Variants in CFAP54 observed in about 807,000 individuals in gnomAD.
CFAP54 encodes cilia- and flagella-associated protein 54.
Under a neutral mutation model 370.4 loss-of-function variants are expected in CFAP54, and 290 were observed. That is an observed-to-expected ratio of 0.78 (90% CI 0.71 to 0.86). CFAP54 has a LOEUF of 0.86. Among genes scored for constraint, CFAP54 ranks in the 40% least tolerant of loss-of-function variants. The pLI is 0.00. For missense variants in CFAP54, 3,399 were observed against 3,528.7 expected (o/e 0.96, Z 0.93); for synonymous variants, 1,206 against 1,236.5 (o/e 0.98, Z 0.52).
chr12:96,730,474 A>C (rs933968348), intron 50 of CFAP54, among the ~76,000 whole-genome samples: 4 of 152,250 alleles, frequency 2.6e-5, no homozygotes, highest in African/African-American at 7.2e-5. Flanking sequence ...ATAGAAGAGA[A>C]TCTACAAAGA....
At chr12:96,588,897 TA>T (rs1319953854) in intron 22 of CFAP54, among the ~76,000 whole-genome samples, 2 of 152,244 alleles carry the variant, frequency 1.3e-5, no homozygotes, top group Non-Finnish European at 2.9e-5. Context: ...TTAAAACATA[TA>T]ATGTCTTCTT....
Position 96,513,026 on chromosome 12 carries a change from C to A in CFAP54, c.780C>A (p.Val260=). ...ACACCATTTGCAGAAAACTGATGGT[C>A]ATAGGTCAGTCTTCCAAGGTATGAA... is the stretch of plus-strand genomic sequence containing the variant. ...YIYTICRKLM[V]IGQSSKALEY... Residue 260 remains valine, a synonymous_variant, in exon 5 of 68, where the codon GTC becomes GTA. Transcript: ENST00000524981. 1 of 1,516,884 alleles carries A rather than the reference C, an allele frequency of 6.6e-7. No homozygotes were observed. Among genetic ancestry groups the A allele is most frequent in the South Asian group, 1.2e-5 (1 of 80,166 alleles). The allele number at this position is 1,516,884 out of a possible 1,614,324, so 94.0% of individuals were successfully genotyped here. A position where few individuals can be genotyped will look rare whatever the true frequency, so the allele number is the denominator to read the frequency against.
At chr12:96,610,048 T>C (rs1956338972) in intron 26 of CFAP54, among the ~76,000 whole-genome samples, 1 of 152,252 alleles carries the variant, frequency 6.6e-6, no homozygotes, top group African/African-American at 2.4e-5. Flanking sequence ...TCTCAATAGA[T>C]ATTAAAGTTT....
chr12:96,561,595 T>A (rs1189228543), intron 17 of CFAP54, among the ~76,000 whole-genome samples: 1 of 151,878 alleles, frequency 6.6e-6, no homozygotes, highest in African/African-American at 2.4e-5. Flanking sequence ...CCAATGATAT[T>A]TGGTACCTTT....
intron 58 of CFAP54, among the ~76,000 whole-genome samples, chr12:96,758,611 A>C (rs947737995): frequency 5.3e-5 from 8 of 152,148 alleles, no homozygotes; most frequent in Non-Finnish European, 4.4e-5. Flanking sequence ...TAGGTAGTGA[A>C]ATTTGGAGCT....
At chr12:96,547,605 T>C (rs1955654315) in intron 14 of CFAP54, among the ~76,000 whole-genome samples, 1 of 152,224 alleles carries the variant, frequency 6.6e-6, no homozygotes, top group African/African-American at 2.4e-5. Flanking sequence ...AGAAAATATT[T>C]AATTAGATGG....
Position 96,592,470 on chromosome 12 carries a change from C to T in CFAP54, c.3213-20C>T, listed in dbSNP as rs933070124. On this transcript the variant is annotated intron_variant, in intron 23 of 67. Transcript: ENST00000524981. ...CTAAATCAATTTATATTTATACCTGCCATTTACTTCATATTGCAGATTACA... is the reference window on the plus strand; with the variant it reads ...CTAAATCAATTTATATTTATACCTGTCATTTACTTCATATTGCAGATTACA... The T allele has an allele frequency of 3.1e-5, 15 of 483,104 alleles. No homozygotes were observed. In the Admixed American group the frequency reaches 3.6e-4, roughly 12 times the overall value. The allele number at this position is 483,104 out of a possible 1,614,324, so 29.9% of individuals were successfully genotyped here. A position where few individuals can be genotyped will look rare whatever the true frequency, so the allele number is the denominator to read the frequency against.
intron 4 of CFAP54, among the ~76,000 whole-genome samples, chr12:96,509,218 G>C (rs760122218): frequency 6.6e-6 from 1 of 152,158 alleles, no homozygotes; most frequent in Non-Finnish European, 1.5e-5. Flanking sequence ...GAGAGAGGAG[G>C]GGCTGGGCTG....
Position 96,513,037 on chromosome 12 carries a change from C to T in CFAP54, c.791C>T (p.Ser264Phe). 3 of 1,510,416 alleles carry T rather than the reference C, an allele frequency of 2.0e-6. No individual in the cohort carries two copies. The highest frequency in any genetic ancestry group is 8.8e-7 in the Non-Finnish European group (1 of 1,132,664). 93.6% of individuals were successfully genotyped at this position (1,510,416 alleles called of 1,614,324 possible). Residue 264 changes from serine (S) to phenylalanine (F), a missense_variant, in exon 5 of 68, where the codon TCT becomes TTT. Coordinates refer to ENST00000524981, the MANE Select transcript of CFAP54 (RefSeq NM_001306084.2). ...AGAAAACTGATGGTCATAGGTCAGT[C>T]TTCCAAGGTATGAAATGTACTGACA... Reference protein sequence around the residue: ...ICRKLMVIGQSSKALEYLLWA... With the variant: ...ICRKLMVIGQFSKALEYLLWA...
At chr12:96,764,348 T>C (rs10860094) in intron 59 of CFAP54, 99 bp downstream of exon 59, 286,844 of 847,802 alleles carry the variant, frequency 0.34, 50,494 homozygotes, top group East Asian at 0.6. Context: ...AGGAGTTGGG[T>C]GTGATACCTC....
At chr12:96,770,542 C>T (rs2136677826) in intron 60 of CFAP54, among the ~76,000 whole-genome samples, 1 of 152,294 alleles carries the variant, frequency 6.6e-6, no homozygotes, top group South Asian at 2.1e-4. Flanking sequence ...GTCCTGGAGA[C>T]TGAGAGGAAG....
intron 54 of CFAP54, 42 bp from the exon 55 acceptor site, chr12:96,743,978 A>G: frequency 6.2e-6 from 10 of 1,602,466 alleles, no homozygotes; most frequent in Non-Finnish European, 7.7e-6. Flanking sequence ...ATTCCAAACC[A>G]CGTCAACTAA....
At chr12:96,689,078 C>A in intron 43 of CFAP54, 96 bp downstream of exon 43, 1 of 643,876 alleles carries the variant, frequency 1.6e-6, no homozygotes, top group Non-Finnish European at 2.6e-6. Context: ...TCACAGGTAG[C>A]AAAATAACAT....
In CFAP54 at chr12:96,489,808, G is replaced by T. The variant is rs1241160345; in HGVS notation, c.199G>T (p.Ala67Ser). The T allele has an allele frequency of 2.6e-6, 4 of 1,536,036 alleles. No individual in the cohort carries two copies. The highest frequency in any genetic ancestry group is 2.7e-5 in the African/African-American group (2 of 73,050). Residue 67 changes from alanine (A) to serine (S), a missense_variant, in exon 1 of 68, where the codon GCG (alanine) becomes TCG (serine). Physicochemically the swap from Ala to Ser is moderately conservative, Grantham distance 99. This residue lies in a region of CFAP54 where 559 missense variants were observed against 576.7 expected (regional missense o/e 0.97). Transcript: ENST00000524981. ...PLAVFYGPLDAKNPLLASCEK... is the reference protein window; with the variant it reads ...PLAVFYGPLDSKNPLLASCEK... ...AGCCGTGTTTTATGGGCCGCTGGAC[G>T]CGAAAAACCCGCTCCTGGCCTCTTG... is the stretch of plus-strand genomic sequence containing the variant.
Position 96,728,350 on chromosome 12 carries a change from A to G in CFAP54, c.6965+7785A>G, listed in dbSNP as rs956966341. Reference sequence around the variant, plus strand: ...AGATTTGGTGTTTTCACATAGTCCCATATTTCTTGGAGGCTTTGTTTGTTT... The same window carrying G: ...AGATTTGGTGTTTTCACATAGTCCCGTATTTCTTGGAGGCTTTGTTTGTTT... On this transcript the variant is annotated intron_variant, in intron 50 of 67. Coordinates refer to ENST00000524981, the MANE Select transcript of CFAP54 (RefSeq NM_001306084.2). Among the ~76,000 whole-genome samples the G allele has an allele frequency of 6.6e-5, 10 of 152,150 alleles. No individual in the cohort carries two copies. The East Asian group carries it at 1.9e-3, about 29-fold the overall frequency.
At chr12:96,745,293 A>T (rs1958101482) in intron 55 of CFAP54, among the ~76,000 whole-genome samples, 1 of 151,930 alleles carries the variant, frequency 6.6e-6, no homozygotes. Flanking sequence ...ACTAATTTAC[A>T]CTCCCACCAA....
chr12:96,491,850 C>T (rs1254602844), intron 1 of CFAP54, among the ~76,000 whole-genome samples: 1 of 152,194 alleles, frequency 6.6e-6, no homozygotes, highest in Non-Finnish European at 1.5e-5. Flanking sequence ...ACCTCTGCCT[C>T]CCAGGTTTAA....
intron 60 of CFAP54, among the ~76,000 whole-genome samples, chr12:96,779,658 A>T (rs1958562301): frequency 6.7e-6 from 1 of 148,326 alleles, no homozygotes; most frequent in East Asian, 1.9e-4. Flanking sequence ...ATATTAATTT[A>T]TATATTAACA....
At chr12:96,656,496 C>T (rs1956924886) in intron 36 of CFAP54, among the ~76,000 whole-genome samples, 1 of 152,236 alleles carries the variant, frequency 6.6e-6, no homozygotes, top group Non-Finnish European at 1.5e-5. Flanking sequence ...ATTCTCCTGC[C>T]TCAGCCTCCT....
Sources: gnomAD v4.1 joint callset for allele counts (sites outside exome capture counted in the v4.1 genomes callset) on GRCh38, gnomAD v4.1.1 for gene constraint, gnomAD v4.1.1 regional missense constraint, MANE v1.5 for transcripts, NCBI Gene and HGNC (gene_info 2026-07-23, HGNC 2026-07-21) for gene names.